The following DIAPH2 variants were observed in gnomAD, a reference collection of about 807,000 sequenced individuals.
DIAPH2 encodes the protein diaphanous related formin 2.
DIAPH2 carries 35 observed loss-of-function variants against 92.7 expected under a neutral mutation model. The ratio of observed to expected loss-of-function variants is 0.38; its 90% CI spans 0.29 to 0.50. The LOEUF (loss-of-function observed/expected upper bound fraction) is 0.50. Ranked by LOEUF, DIAPH2 falls within the 20% of genes least tolerant of loss-of-function variation. DIAPH2 has a pLI of 0.94. For missense variants in DIAPH2, 701 were observed against 819.5 expected, an observed-to-expected ratio of 0.86 and a Z score of 1.77; for synonymous variants, 301 against 280.4, an observed-to-expected ratio of 1.07 and a Z score of -0.73.
At chrX:97,453,025 G>C (rs1013265009) in intron 26 of DIAPH2, among the ~76,000 whole-genome samples, 2 of 111,525 alleles carry the variant, frequency 1.8e-5, no homozygotes, top group African/African-American at 6.5e-5. Flanking sequence ...AAAATATAAA[G>C]ACAAAGGAAA....
At chrX:96,826,155 G>A (rs1372957716) in intron 4 of DIAPH2, among the ~76,000 whole-genome samples, 3 of 111,073 alleles carry the variant, frequency 2.7e-5, no homozygotes, top group Admixed American at 1.9e-4. Context: ...GGTGGCTCAC[G>A]CCTGTAATCC....
intron 22 of DIAPH2, among the ~76,000 whole-genome samples, chrX:97,148,141 C>G (rs776924243): frequency 9.0e-6 from 1 of 111,223 alleles, no homozygotes; most frequent in South Asian, 3.8e-4. Flanking sequence ...AACTGAGATG[C>G]AGAATGATAA....
chrX:97,086,076 T>A (rs2066780776), intron 19 of DIAPH2, among the ~76,000 whole-genome samples: 1 of 111,855 alleles, frequency 8.9e-6, no homozygotes, highest in African/African-American at 3.3e-5. Flanking sequence ...TTCTACCTGA[T>A]GGAATGCTTA....
intron 15 of DIAPH2, among the ~76,000 whole-genome samples, chrX:96,952,736 A>AAAAAT (rs748929800): frequency 4.6e-4 from 51 of 110,601 alleles, no homozygotes; most frequent in Non-Finnish European, 7.0e-4. Flanking sequence ...ACTCTGTCTC[A>AAAAAT]AAAATAAAAT....
intron 22 of DIAPH2, among the ~76,000 whole-genome samples, chrX:97,199,850 G>A (rs2067733080): frequency 9.0e-6 from 1 of 111,560 alleles, no homozygotes; most frequent in Non-Finnish European, 1.9e-5. Context: ...TCCTTTCTAA[G>A]TACTTTTTAA....
At chrX:96,971,649 T>G (rs762130523) in intron 17 of DIAPH2, among the ~76,000 whole-genome samples, 4 of 111,837 alleles carry the variant, frequency 3.6e-5, no homozygotes, top group Non-Finnish European at 7.5e-5. Flanking sequence ...TATGTATTGC[T>G]GAGAATGCTT....
intron 4 of DIAPH2, among the ~76,000 whole-genome samples, chrX:96,873,076 G>A (rs1424741861): frequency 1.8e-5 from 2 of 111,014 alleles, no homozygotes; most frequent in South Asian, 3.8e-4. Context: ...CCACATCCTC[G>A]CCAGCATTTG....
At chrX:97,259,108 C>G (rs1201938507) in intron 23 of DIAPH2, among the ~76,000 whole-genome samples, 3 of 109,157 alleles carry the variant, frequency 2.7e-5, no homozygotes, top group African/African-American at 1.0e-4. Flanking sequence ...ACAAAAATTA[C>G]CCAGGCATGG....
At chrX:97,426,521 C>T (rs749704750) in intron 25 of DIAPH2, among the ~76,000 whole-genome samples, 13 of 110,636 alleles carry the variant, frequency 1.2e-4, no homozygotes, top group Admixed American at 2.9e-4. Flanking sequence ...AACTCCTGAG[C>T]TCAAGTGATC....
chrX:96,824,838 T>TA (rs1160907752), intron 4 of DIAPH2, among the ~76,000 whole-genome samples: 1 of 112,109 alleles, frequency 8.9e-6, no homozygotes, highest in African/African-American at 3.2e-5. Context: ...TTGCTCTGCT[T>TA]AGCTATATCT....
rs144775135 is a variant in DIAPH2, at chrX:97,164,836, A to G, written c.2719+23042A>G. Among the ~76,000 whole-genome samples the G allele has an allele frequency of 4.8e-3, 544 of 112,609 alleles. 5 individuals are homozygous for G. Among genetic ancestry groups the G allele is most frequent in the African/African-American group, 0.016 (512 of 31,068 alleles). On this transcript the variant is annotated intron_variant, in intron 22 of 26. Transcript: ENST00000324765. ...ATGATATGAAAGTTGGCTTGAATATATACACCACAAGGTTTGCCGTATGGT... is the reference window on the plus strand; with the variant it reads ...ATGATATGAAAGTTGGCTTGAATATGTACACCACAAGGTTTGCCGTATGGT...
At chrX:97,514,560 C>T (rs7884424) in intron 26 of DIAPH2, among the ~76,000 whole-genome samples, 9 of 109,050 alleles carry the variant, frequency 8.3e-5, no homozygotes, top group African/African-American at 1.7e-4. Context: ...TGAGGAGCTG[C>T]GTTCCTTTGG....
chrX:96,719,379 C>A (rs1444051573), intron 1 of DIAPH2, among the ~76,000 whole-genome samples: 3 of 112,035 alleles, frequency 2.7e-5, no homozygotes, highest in African/African-American at 9.7e-5. Flanking sequence ...TCCTAGAGGA[C>A]CTTCCCCAAT....
chrX:97,525,327 C>T (rs933642025), intron 26 of DIAPH2, among the ~76,000 whole-genome samples: 4 of 112,170 alleles, frequency 3.6e-5, no homozygotes, highest in Non-Finnish European at 7.5e-5. Flanking sequence ...CACTGTGTCC[C>T]CCTGCCTGGA....
rs1226285327 is a variant in DIAPH2, at chrX:96,912,400, A to G, written c.660A>G (p.Lys220=). 7 of 1,201,792 alleles carry G rather than the reference A, an allele frequency of 5.8e-6. No individual in the cohort carries two copies. Among genetic ancestry groups the G allele is most frequent in the African/African-American group, 1.7e-5 (1 of 57,603 alleles). The change falls in exon 6 of 27, where the codon AAA becomes AAG. Residue 220 remains lysine, a splice_region_variant and synonymous_variant. Coordinates refer to ENST00000324765, the MANE Select transcript of DIAPH2 (RefSeq NM_006729.5). The part of the protein sequence containing the change: ...LDELEKLLDK[K]QQENIDKKNQ... ...AGCTGGAAAAGCTTCTGGACAAAAAACAGTAAGAATAAACACTGAAATTAA... is the reference window on the plus strand; with the variant it reads ...AGCTGGAAAAGCTTCTGGACAAAAAGCAGTAAGAATAAACACTGAAATTAA...
chrX:97,290,241 T>G (rs2068578961), intron 23 of DIAPH2, among the ~76,000 whole-genome samples: 1 of 111,338 alleles, frequency 9.0e-6, no homozygotes, highest in African/African-American at 3.3e-5. Flanking sequence ...TGCTTTCATT[T>G]TATTGTAATG....
intron 23 of DIAPH2, among the ~76,000 whole-genome samples, chrX:97,274,594 T>G (rs2147589717): frequency 9.0e-6 from 1 of 110,730 alleles, no homozygotes; most frequent in Non-Finnish European, 1.9e-5. Flanking sequence ...TATAAAGGAC[T>G]ATTTTTTACT....
intron 23 of DIAPH2, among the ~76,000 whole-genome samples, chrX:97,296,483 A>C (rs772652025): frequency 1.8e-5 from 2 of 111,810 alleles, no homozygotes; most frequent in African/African-American, 3.2e-5. Context: ...ACATATAGCT[A>C]TTGTATATGT....
At chrX:96,884,528 A>G (rs2065244251) in intron 5 of DIAPH2, 1 of 1,208,175 alleles carries the variant, frequency 8.3e-7, no homozygotes, top group South Asian at 1.8e-5. Context: ...ATAGTTTCCC[A>G]GGTCTCCATC....
Sources: gnomAD v4.1 joint callset for allele counts (sites outside exome capture counted in the v4.1 genomes callset) on GRCh38, gnomAD v4.1.1 for gene constraint, MANE v1.5 for transcripts, NCBI Gene and HGNC (gene_info 2026-07-23, HGNC 2026-07-21) for gene names.